The following DCP2 variants were observed in gnomAD, a reference collection of about 807,000 sequenced individuals.
The protein encoded by DCP2 is decapping mRNA 2.
In DCP2, 30 loss-of-function variants were observed where a neutral mutation model predicts 56.1. That is an observed-to-expected ratio of 0.53 (90% CI 0.40 to 0.73). The LOEUF is 0.73. Ranked by LOEUF, DCP2 falls within the 30% of genes least tolerant of loss-of-function variation. The pLI, the probability that DCP2 is intolerant of heterozygous loss-of-function variation, is 0.00. For missense variants in DCP2, 533 were observed against 502.7 expected (o/e 1.06, Z -0.58); for synonymous variants, 197 against 163.3 (o/e 1.21, Z -1.57).
At chr5:112,988,716 C>G (rs910504548) in intron 2 of DCP2, among the ~76,000 whole-genome samples, 7 of 152,094 alleles carry the variant, frequency 4.6e-5, no homozygotes, top group African/African-American at 1.7e-4. Context: ...TGAGCACTAT[C>G]TTTGTTAAAG....
rs1749977404 is a variant in DCP2, at chr5:113,018,414, A to G, written c.*4930A>G. On this transcript the variant is annotated 3_prime_UTR_variant, in exon 11 of 11. Transcript: ENST00000389063. ...GTTAGCAGAGGAGTATGGTCTAGCT[A>G]TGTTAGCAGCTTGAAGGCACAACGT... is the stretch of plus-strand genomic sequence containing the variant. 1 of 152,230 alleles carries G rather than the reference A, an allele frequency of 6.6e-6. No homozygotes were observed. Among genetic ancestry groups the G allele is most frequent in the Non-Finnish European group, 1.5e-5 (1 of 68,034 alleles). The allele number at this position is 152,230 out of a possible 1,614,324, so 9.4% of individuals were successfully genotyped here.
chr5:113,011,256 AAGG>A (rs1447488921), intron 10 of DCP2, among the ~76,000 whole-genome samples: 4 of 152,194 alleles, frequency 2.6e-5, no homozygotes, highest in African/African-American at 9.7e-5. Flanking sequence ...TTCCAATTAA[AAGG>A]AACATTTTTC....
Position 112,991,566 on chromosome 5 carries a change from T to G in DCP2, c.206-555T>G, listed in dbSNP as rs555369491. The stretch of plus-strand genomic sequence containing the variant: ...CTTCATTATGGAAACAATATATATG[T>G]GGTAAACAGTATAGAATGGCATACC... On this transcript the variant is annotated intron_variant, in intron 2 of 10. Coordinates refer to ENST00000389063, the MANE Select transcript of DCP2 (RefSeq NM_152624.6). Among the ~76,000 whole-genome samples, 183 of 152,364 alleles carry G rather than the reference T, an allele frequency of 1.2e-3. 1 individual carries two copies. The highest frequency in any genetic ancestry group is 6.8e-3 in the Middle Eastern group (2 of 294).
At chr5:112,984,703 A>AAAAAAAAATATATATATATATATATATAT in intron 1 of DCP2, 1 of 64,858 alleles carries the variant, frequency 1.5e-5, no homozygotes. Flanking sequence ...AAAAAAAAAA[A>AAAAAAAAATATATATATATATATATATAT]ATATATATAT....
At chr5:112,987,110 T>G (rs950245837) in intron 2 of DCP2, among the ~76,000 whole-genome samples, 15 of 152,240 alleles carry the variant, frequency 9.9e-5, no homozygotes, top group African/African-American at 3.4e-4. Context: ...CATGAATATT[T>G]AACATTATAA....
chr5:112,985,538 G>A (rs1580797059), intron 1 of DCP2, among the ~76,000 whole-genome samples: 1 of 152,156 alleles, frequency 6.6e-6, no homozygotes, highest in Admixed American at 6.5e-5. Context: ...GGGAGGAAGC[G>A]GAGGTTTTCT....
chr5:113,000,677 C>T (rs1580820227), intron 4 of DCP2, among the ~76,000 whole-genome samples: 1 of 152,288 alleles, frequency 6.6e-6, no homozygotes, highest in East Asian at 1.9e-4. Flanking sequence ...AATGCTCAGA[C>T]AGCTTGCATG....
chr5:112,996,700 T>C (rs1375866600), intron 4 of DCP2, among the ~76,000 whole-genome samples: 1 of 152,206 alleles, frequency 6.6e-6, no homozygotes, highest in East Asian at 1.9e-4. Flanking sequence ...AACAGACCTC[T>C]TTTTAGCAGA....
At chr5:113,000,935 T>C in intron 4 of DCP2, 149 bp from the exon 5 acceptor site, 1 of 798,428 alleles carries the variant, frequency 1.3e-6, no homozygotes, top group Middle Eastern at 3.8e-4. Context: ...TTACATCTCA[T>C]ATGCATTTCT....
chr5:113,004,410 C>T (rs11739173), intron 8 of DCP2, among the ~76,000 whole-genome samples: 10 of 152,166 alleles, frequency 6.6e-5, no homozygotes, highest in Non-Finnish European at 1.3e-4. Context: ...AAAGTAACAG[C>T]GTATTGTAAA....
chr5:112,984,603 G>A (rs1469185239), intron 1 of DCP2: 1 of 148,986 alleles, frequency 6.7e-6, no homozygotes, highest in Non-Finnish European at 1.5e-5. Flanking sequence ...CTAGACTTGT[G>A]TCTCCCAAAT....
intron 8 of DCP2, among the ~76,000 whole-genome samples, chr5:113,005,151 G>GTGT (rs1749361092): frequency 1.8e-4 from 27 of 149,524 alleles, no homozygotes; most frequent in African/African-American, 6.7e-4. Context: ...TGTGCGTGTG[G>GTGT]GTGTGTGTGT....
In DCP2 at chr5:113,021,426, G is replaced by T. The variant is rs979552962; in HGVS notation, c.*7942G>T. On this transcript the variant is annotated 3_prime_UTR_variant, in exon 11 of 11. Coordinates refer to ENST00000389063, the MANE Select transcript of DCP2 (RefSeq NM_152624.6). ...AAAACCCCCAGGAAGAAATATTGTCGAGAGTCTCTGCAAAAATGAAAATAC... is the reference window on the plus strand; with the variant it reads ...AAAACCCCCAGGAAGAAATATTGTCTAGAGTCTCTGCAAAAATGAAAATAC... Among the ~76,000 whole-genome samples the T allele has an allele frequency of 2.0e-5, 3 of 148,118 alleles. No individual in the cohort carries two copies. Among genetic ancestry groups the T allele is most frequent in the African/African-American group, 5.0e-5 (2 of 40,302 alleles).
chr5:112,998,286 C>G, intron 4 of DCP2, among the ~76,000 whole-genome samples: 1 of 152,190 alleles, frequency 6.6e-6, no homozygotes, highest in Non-Finnish European at 1.5e-5. Flanking sequence ...TCCTGGCTAT[C>G]TAAACAGAAG....
Position 113,008,027 on chromosome 5 carries a change from G to A in DCP2, c.1032G>A (p.Gln344=), listed in dbSNP as rs1319470124. The A allele has an allele frequency of 1.9e-6, 3 of 1,613,886 alleles. No homozygotes were observed. Among genetic ancestry groups the A allele is most frequent in the Non-Finnish European group, 2.5e-6 (3 of 1,179,842 alleles). Residue 344 remains glutamine, a synonymous_variant, in exon 9 of 11, where the codon CAG becomes CAA. Transcript: ENST00000389063. The part of the protein sequence containing the change: ...KRTNGLQPAK[Q]QNSLMKCEKK... ...CAAATGGGCTTCAGCCAGCAAAGCA[G>A]CAGAATTCTTTGATGGTAAGAGTTA...
chr5:112,978,637 A>G (rs756605973), intron 1 of DCP2, among the ~76,000 whole-genome samples: 4 of 152,100 alleles, frequency 2.6e-5, no homozygotes, highest in Non-Finnish European at 5.9e-5. Flanking sequence ...GAAGTATGGT[A>G]GATTCAAATG....
chr5:112,985,782 T>C, intron 1 of DCP2, 53 bp from the exon 2 acceptor site: 2 of 1,574,094 alleles, frequency 1.3e-6, no homozygotes, highest in Non-Finnish European at 1.7e-6. Flanking sequence ...TAGCTTAAGA[T>C]AAATCGTTAT....
At chr5:112,977,118 C>A in intron 1 of DCP2, 132 bp downstream of exon 1, 1 of 636,280 alleles carries the variant, frequency 1.6e-6, no homozygotes, top group Non-Finnish European at 2.6e-6. Context: ...GCTCGCTTTC[C>A]ATCGTCGACC....
At chr5:112,981,190 T>C (rs1447015792) in intron 1 of DCP2, among the ~76,000 whole-genome samples, 2 of 152,194 alleles carry the variant, frequency 1.3e-5, no homozygotes, top group East Asian at 3.9e-4. Context: ...TACATTTTTT[T>C]TTGGTAGAGA....
Sources: allele counts gnomAD v4.1 joint callset (sites outside exome capture counted in the v4.1 genomes callset), GRCh38; gene constraint gnomAD v4.1.1; transcripts MANE v1.5; gene names NCBI Gene and HGNC (gene_info 2026-07-23, HGNC 2026-07-21).